ARB2A: variants seen among roughly 807,000 people sequenced by gnomAD.
ARB2A encodes the protein ARB2 cotranscriptional regulator A.
the ARB2A span, among the ~76,000 whole-genome samples, chr5:93,927,284 G>C: frequency 1.3e-5 from 2 of 152,146 alleles, no homozygotes; most frequent in African/African-American, 4.8e-5. Context: ...GTGAGATCTG[G>C]ATTATAGACT....
At chr5:94,007,834 A>G in the ARB2A span, among the ~76,000 whole-genome samples, 4 of 152,048 alleles carry the variant, frequency 2.6e-5, no homozygotes, top group Non-Finnish European at 5.9e-5. Flanking sequence ...TTTATTAATA[A>G]TATCACAGCA....
the ARB2A span, among the ~76,000 whole-genome samples, chr5:93,818,279 T>C: frequency 1.8e-4 from 28 of 152,252 alleles, 1 homozygote; most frequent in Admixed American, 1.8e-3. Context: ...GTAATGGGTA[T>C]GGAATTTCTT....
At chr5:93,865,938 T>G in the ARB2A span, 1 of 985,462 alleles carries the variant, frequency 1.0e-6, no homozygotes, top group Non-Finnish European at 1.2e-6. Flanking sequence ...GGGCACTCAG[T>G]GTATACACAG....
chr5:94,059,455 T>C, the ARB2A span, among the ~76,000 whole-genome samples: 1 of 151,674 alleles, frequency 6.6e-6, no homozygotes, highest in Non-Finnish European at 1.5e-5. Flanking sequence ...AAACCCCATC[T>C]ACCAAAAATA....
At chr5:93,636,828 G>T in the ARB2A span, among the ~76,000 whole-genome samples, 2 of 152,222 alleles carry the variant, frequency 1.3e-5, no homozygotes, top group Non-Finnish European at 2.9e-5. Flanking sequence ...TCATATATTA[G>T]ACTCATTTAT....
At chr5:94,038,583 T>A in the ARB2A span, among the ~76,000 whole-genome samples, 1 of 152,074 alleles carries the variant, frequency 6.6e-6, no homozygotes, top group Admixed American at 6.6e-5. Context: ...GGCACTGCAT[T>A]CTAAAAAACA....
At chr5:93,944,408 C>A in the ARB2A span, among the ~76,000 whole-genome samples, 1 of 151,954 alleles carries the variant, frequency 6.6e-6, no homozygotes, top group Non-Finnish European at 1.5e-5. Context: ...CCAGCCTCGC[C>A]AACATAGTAG....
chr5:93,763,287 G>A, the ARB2A span, among the ~76,000 whole-genome samples: 1 of 152,148 alleles, frequency 6.6e-6, no homozygotes, highest in South Asian at 2.1e-4. Context: ...TCAGTGTGCT[G>A]TATTCAGGAA....
At chr5:93,741,120 C>A in the ARB2A span, 2 of 1,613,896 alleles carry the variant, frequency 1.2e-6, no homozygotes, top group South Asian at 2.2e-5. Context: ...CCACAGCGAT[C>A]CCCACATCGG....
the ARB2A span, chr5:93,776,266 T>C: frequency 3.8e-6 from 6 of 1,573,614 alleles, no homozygotes; most frequent in Middle Eastern, 3.4e-4. Context: ...AGAGACAATA[T>C]TGTTGAAATA....
chr5:93,910,368 T>G, the ARB2A span, among the ~76,000 whole-genome samples: 11 of 151,166 alleles, frequency 7.3e-5, no homozygotes, highest in Non-Finnish European at 1.6e-4. Flanking sequence ...TAGATGAACA[T>G]TTTTTTAAAT....
At chr5:94,002,146 A>AG in the ARB2A span, among the ~76,000 whole-genome samples, 58 of 152,144 alleles carry the variant, frequency 3.8e-4, no homozygotes, top group Non-Finnish European at 6.6e-4. Flanking sequence ...CCCTTCCCCC[A>AG]GATTAGTTAG....
At chr5:93,951,833 G>T in the ARB2A span, among the ~76,000 whole-genome samples, 53 of 152,188 alleles carry the variant, frequency 3.5e-4, no homozygotes, top group East Asian at 9.8e-3. Context: ...ATATATACAC[G>T]TAGGTACATA....
chr5:93,786,818 A>T, the ARB2A span, among the ~76,000 whole-genome samples: 1 of 152,182 alleles, frequency 6.6e-6, no homozygotes, highest in Admixed American at 6.5e-5. Flanking sequence ...TACTGGAGAC[A>T]GGCAATGGTG....
At chr5:93,995,049 A>C in the ARB2A span, among the ~76,000 whole-genome samples, 5 of 152,230 alleles carry the variant, frequency 3.3e-5, no homozygotes, top group African/African-American at 1.2e-4. Context: ...ATCAAAACTT[A>C]CCACACAAAT....
At chr5:94,023,968 G>A in the ARB2A span, among the ~76,000 whole-genome samples, 1 of 152,254 alleles carries the variant, frequency 6.6e-6, no homozygotes, top group Non-Finnish European at 1.5e-5. Context: ...GGTTTCTGGT[G>A]GGAATAAAGC....
chr5:94,041,258 A>C, the ARB2A span, among the ~76,000 whole-genome samples: 2 of 151,716 alleles, frequency 1.3e-5, no homozygotes, highest in African/African-American at 4.8e-5. Context: ...TGTCTGTCAT[A>C]ATGAGGGACA....
chr5:93,714,064 T>G, the ARB2A span, among the ~76,000 whole-genome samples: 1 of 152,254 alleles, frequency 6.6e-6, no homozygotes, highest in African/African-American at 2.4e-5. Flanking sequence ...AAAATATATT[T>G]TTTTGTAATA....
the ARB2A span, among the ~76,000 whole-genome samples, chr5:93,699,867 G>C: frequency 6.6e-6 from 1 of 151,658 alleles, no homozygotes; most frequent in African/African-American, 2.4e-5. Context: ...CAGAGGCCCA[G>C]AGGTCCATGT....
Sources: gnomAD v4.1 joint callset for allele counts (sites outside exome capture counted in the v4.1 genomes callset) on GRCh38, gnomAD v4.1.1 for gene constraint, MANE v1.5 for transcripts, NCBI Gene and HGNC (gene_info 2026-07-23, HGNC 2026-07-21) for gene names.